Variants in CEP63 observed in about 807,000 individuals in gnomAD.
CEP63 encodes the protein centrosomal protein 63, also known as centrosomal protein of 63 kDa.
In CEP63, 84 loss-of-function variants were observed where a neutral mutation model predicts 89.1. That is an observed-to-expected ratio of 0.94 (90% CI 0.79 to 1.13). The LOEUF (loss-of-function observed/expected upper bound fraction) is 1.13, where lower values mean the gene tolerates loss of function less well. Ranked by LOEUF, CEP63 falls within the 50% of genes most tolerant of loss-of-function variation. The pLI is 0.00. For missense variants in CEP63, 838 were observed against 813.3 expected, an observed-to-expected ratio of 1.03 and a Z score of -0.37; for synonymous variants, 267 against 272.5, an observed-to-expected ratio of 0.98 and a Z score of 0.20.
chr3:134,702,760 C>T, the CEP63 span, among the ~76,000 whole-genome samples: 1 of 152,102 alleles, frequency 6.6e-6, no homozygotes, highest in Non-Finnish European at 1.5e-5. Context: ...GTCAAAACCA[C>T]AAAAAGACAC....
intron 6 of CEP63, among the ~76,000 whole-genome samples, chr3:134,541,856 A>G (rs1952093800): frequency 6.6e-6 from 1 of 152,168 alleles, no homozygotes; most frequent in South Asian, 2.1e-4. Context: ...TGTTTGTTCT[A>G]TCAAATATTA....
At chr3:134,732,770 A>G in the CEP63 span, among the ~76,000 whole-genome samples, 1 of 152,186 alleles carries the variant, frequency 6.6e-6, no homozygotes, top group African/African-American at 2.4e-5. Context: ...GTCCTGACAT[A>G]AAAGAAAATT....
chr3:134,596,600 A>T, the CEP63 span, among the ~76,000 whole-genome samples: 2 of 152,162 alleles, frequency 1.3e-5, no homozygotes, highest in African/African-American at 4.8e-5. Flanking sequence ...ACAAATGCTC[A>T]GTGGATGGTT....
chr3:134,499,820 C>CTTTTTTT (rs747946881), intron 2 of CEP63, among the ~76,000 whole-genome samples: 18 of 99,114 alleles, frequency 1.8e-4, no homozygotes, highest in East Asian at 6.7e-4. Flanking sequence ...CCATCTTCAT[C>CTTTTTTT]TTTTTTTTTT....
chr3:134,554,093 A>G (rs1955547171), intron 12 of CEP63, among the ~76,000 whole-genome samples: 1 of 151,906 alleles, frequency 6.6e-6, no homozygotes, highest in Non-Finnish European at 1.5e-5. Context: ...TTTTCCTTTT[A>G]TTATTATACT....
chr3:134,665,698 C>CAGAGAGAG, the CEP63 span, among the ~76,000 whole-genome samples: 1 of 104,292 alleles, frequency 9.6e-6, no homozygotes, highest in African/African-American at 3.8e-5. Flanking sequence ...CACACACACA[C>CAGAGAGAG]ACACAGAGAG....
the CEP63 span, chr3:134,610,079 C>T: frequency 1.8e-6 from 2 of 1,112,934 alleles, no homozygotes; most frequent in Admixed American, 2.3e-5. Context: ...GGGCATGGGG[C>T]CTCCTGGCTC....
At chr3:134,713,785 C>A in the CEP63 span, among the ~76,000 whole-genome samples, 1 of 152,238 alleles carries the variant, frequency 6.6e-6, no homozygotes, top group African/African-American at 2.4e-5. Context: ...AGTAGGTGAA[C>A]TTGGTGAGCT....
At chr3:134,568,138 A>G (rs1380900509), downstream of CEP63, among the ~76,000 whole-genome samples, 3 of 152,148 alleles carry the variant, frequency 2.0e-5, no homozygotes, top group South Asian at 2.1e-4. Context: ...TTTGACAGGC[A>G]TCCACTGTGG....
the CEP63 span, among the ~76,000 whole-genome samples, chr3:134,703,596 CG>C: frequency 1.3e-5 from 2 of 150,954 alleles, no homozygotes; most frequent in Non-Finnish European, 2.9e-5. Context: ...GACACATGGC[CG>C]GGGGGAACAG....
chr3:134,607,791 C>T, the CEP63 span: 3 of 986,318 alleles, frequency 3.0e-6, no homozygotes. Flanking sequence ...GATGGCTAAG[C>T]TGGGTATCCT....
downstream of CEP63, among the ~76,000 whole-genome samples, chr3:134,590,083 C>T (rs1176419360): frequency 2.0e-5 from 3 of 152,064 alleles, no homozygotes; most frequent in African/African-American, 7.2e-5. Context: ...CTGGGGCCTA[C>T]TTGAGGATGG....
chr3:134,782,476 T>C, the CEP63 span, among the ~76,000 whole-genome samples: 3 of 152,218 alleles, frequency 2.0e-5, no homozygotes, highest in Non-Finnish European at 4.4e-5. Flanking sequence ...TATTTTCTAC[T>C]GTTTTAAAGT....
At chr3:134,571,015 AC>A (rs1386633313) in intron 11 of CEP63, among the ~76,000 whole-genome samples, 2 of 152,260 alleles carry the variant, frequency 1.3e-5, no homozygotes, top group Non-Finnish European at 2.9e-5. Flanking sequence ...TGAGAACAGC[AC>A]AAGAAAGACC....
At chr3:134,538,121 C>A (rs1327239846) in intron 6 of CEP63, among the ~76,000 whole-genome samples, 1 of 149,808 alleles carries the variant, frequency 6.7e-6, no homozygotes, top group East Asian at 2.0e-4. Context: ...TTATGATAAT[C>A]TGTCAAGGTT....
At chr3:134,722,331 C>T in the CEP63 span, among the ~76,000 whole-genome samples, 1 of 148,076 alleles carries the variant, frequency 6.8e-6, no homozygotes, top group African/African-American at 2.5e-5. Context: ...ACAGTATTCT[C>T]CTATACTGTA....
At chr3:134,588,292 A>C (rs1192698683), downstream of CEP63, among the ~76,000 whole-genome samples, 1 of 152,158 alleles carries the variant, frequency 6.6e-6, no homozygotes, top group Admixed American at 6.5e-5. Flanking sequence ...CTATCTCAAA[A>C]ATAAATAAAT....
At chr3:134,727,476 C>T in the CEP63 span, among the ~76,000 whole-genome samples, 2 of 152,132 alleles carry the variant, frequency 1.3e-5, no homozygotes, top group African/African-American at 2.4e-5. Context: ...TTTGTCCTGA[C>T]AGCATGGCTG....
rs1438319479 is a variant in CEP63, at chr3:134,563,445, CAG to C, written c.*1913_*1914del. ...GCTTCTCTTTTTTTTTTTATTGAGA[CAG>C]AGTCTCACTCTGTCGCCCAAGCTGC... On this transcript the variant is annotated 3_prime_UTR_variant, in exon 15 of 15. Coordinates refer to ENST00000675561, the MANE Select transcript of CEP63 (RefSeq NM_001353108.3). The C allele has an allele frequency of 1.3e-5, 2 of 151,762 alleles. No homozygotes were observed. Among genetic ancestry groups the C allele is most frequent in the East Asian group, 1.9e-4 (1 of 5,178 alleles). The allele number at this position is 151,762 out of a possible 1,614,324, so 9.4% of individuals were successfully genotyped here.
Sources: allele counts gnomAD v4.1 joint callset (sites outside exome capture counted in the v4.1 genomes callset), GRCh38; gene constraint gnomAD v4.1.1; transcripts MANE v1.5; gene names NCBI Gene and HGNC (gene_info 2026-07-23, HGNC 2026-07-21).